CTNND2: variants seen among roughly 807,000 people sequenced by gnomAD.
CTNND2 encodes the protein catenin delta-2.
A neutral mutation model predicts 144.4 loss-of-function variants in CTNND2; 22 were observed. That is an observed-to-expected ratio of 0.15 (90% CI 0.11 to 0.22). The LOEUF (loss-of-function observed/expected upper bound fraction) is 0.22. Among genes scored for constraint, CTNND2 ranks in the 10% least tolerant of loss-of-function variants. The probability of loss-of-function intolerance (pLI) is 1.00; values close to 1 mark genes in which losing one functional copy is unlikely to be tolerated. For synonymous variants in CTNND2, 751 were observed against 695.6 expected (o/e 1.08, Z -1.25); for missense variants, 1,353 against 1,618.8 (o/e 0.84, Z 2.82).
intron 2 of CTNND2, among the ~76,000 whole-genome samples, chr5:11,592,064 C>T (rs1779268242): frequency 1.3e-5 from 2 of 149,808 alleles, no homozygotes; most frequent in African/African-American, 4.9e-5. Flanking sequence ...CTCATGTCTT[C>T]AGAACTCAGT....
chr5:11,165,478 T>G (rs1000471060), intron 11 of CTNND2, among the ~76,000 whole-genome samples: 3 of 152,228 alleles, frequency 2.0e-5, no homozygotes, highest in African/African-American at 7.2e-5. Flanking sequence ...ATATTTTGGT[T>G]GATGGTCACT....
chr5:11,182,060 GGGTGTGTGT>G (rs545478107), intron 11 of CTNND2, among the ~76,000 whole-genome samples: 412 of 138,644 alleles, frequency 3.0e-3, no homozygotes, highest in Non-Finnish European at 5.0e-3. Context: ...TGTGTGTGGG[GGGTGTGTGT>G]GGTGTGTGTG....
chr5:11,427,876 A>T (rs1344835130), intron 3 of CTNND2, among the ~76,000 whole-genome samples: 1 of 152,186 alleles, frequency 6.6e-6, no homozygotes, highest in Non-Finnish European at 1.5e-5. Context: ...GCTGATAAAG[A>T]CATACTCAAG....
chr5:11,267,125 C>G (rs772003703), intron 9 of CTNND2, among the ~76,000 whole-genome samples: 4 of 152,226 alleles, frequency 2.6e-5, no homozygotes, highest in Non-Finnish European at 5.9e-5. Flanking sequence ...GTAATCCACC[C>G]ACCTCGGCCT....
intron 10 of CTNND2, among the ~76,000 whole-genome samples, chr5:11,217,325 C>T (rs1241907966): frequency 1.3e-5 from 2 of 152,164 alleles, no homozygotes; most frequent in Admixed American, 1.3e-4. Flanking sequence ...TTTGGTTTTG[C>T]TTTTTGTCCT....
intron 10 of CTNND2, among the ~76,000 whole-genome samples, chr5:11,229,485 T>TG (rs1740739891): frequency 6.6e-6 from 1 of 152,082 alleles, no homozygotes; most frequent in Non-Finnish European, 1.5e-5. Context: ...TGCACACCAC[T>TG]GCACTCCAGC....
At chr5:11,467,383 T>C (rs976606243) in intron 3 of CTNND2, among the ~76,000 whole-genome samples, 7 of 152,214 alleles carry the variant, frequency 4.6e-5, no homozygotes, top group Admixed American at 1.3e-4. Context: ...TCTCCCACAC[T>C]GGGGCAAGGC....
At chr5:11,187,165 A>G (rs1380490569) in intron 11 of CTNND2, among the ~76,000 whole-genome samples, 1 of 152,216 alleles carries the variant, frequency 6.6e-6, no homozygotes, top group Non-Finnish European at 1.5e-5. Flanking sequence ...AAGGGGTATT[A>G]AGCTTGACTT....
rs562775305 is a variant in CTNND2 at position 11,475,612 on chromosome 5, C to T, written c.288-63543G>A. 2.1e-3 allele frequency among the ~76,000 whole-genome samples: 316 copies of T among 152,294 alleles called. 1 individual carries two copies. Among genetic ancestry groups the T allele is most frequent in the African/African-American group, 7.4e-3 (307 of 41,568 alleles). ...AGTGAAGTGAATGGTAAACTTGAGA[C>T]ACAGAAGTCAAGTTGGTTTTATATC... On this transcript the variant is annotated intron_variant, in intron 3 of 21. Transcript: ENST00000304623.
At chr5:11,521,054 A>G (rs1011913522) in intron 3 of CTNND2, among the ~76,000 whole-genome samples, 3 of 152,182 alleles carry the variant, frequency 2.0e-5, no homozygotes, top group Non-Finnish European at 4.4e-5. Flanking sequence ...GTCATAGGAA[A>G]ATAGAGGGGT....
chr5:11,828,291 A>T (rs964825824), intron 1 of CTNND2, among the ~76,000 whole-genome samples: 2 of 152,226 alleles, frequency 1.3e-5, no homozygotes, highest in East Asian at 3.9e-4. Context: ...GCATTTTGGG[A>T]GGCCGAGGTG....
At chr5:11,423,060 A>G (rs1255791355) in intron 3 of CTNND2, among the ~76,000 whole-genome samples, 1 of 152,254 alleles carries the variant, frequency 6.6e-6, no homozygotes, top group Admixed American at 6.5e-5. Context: ...AATGTATCAT[A>G]GTATCTTTGC....
intron 14 of CTNND2, among the ~76,000 whole-genome samples, chr5:11,100,778 C>A (rs1214567453): frequency 6.6e-6 from 1 of 152,086 alleles, no homozygotes; most frequent in Non-Finnish European, 1.5e-5. Flanking sequence ...GATAGATTTT[C>A]CTTTTATGTA....
intron 3 of CTNND2, among the ~76,000 whole-genome samples, chr5:11,516,528 T>A (rs1772178591): frequency 6.6e-6 from 1 of 152,118 alleles, no homozygotes. Context: ...TAAAAATTGT[T>A]TGCATTTCTA....
chr5:11,066,731 G>A (rs56346452), intron 16 of CTNND2, among the ~76,000 whole-genome samples: 26,676 of 152,018 alleles, frequency 0.18, 4,356 homozygotes, highest in East Asian at 0.58. Context: ...GACCAACAGC[G>A]AGACTCAGTG....
chr5:11,892,636 CA>C (rs907925715), intron 1 of CTNND2, among the ~76,000 whole-genome samples: 7 of 150,056 alleles, frequency 4.7e-5, no homozygotes, highest in African/African-American at 1.7e-4. Context: ...GAGAAACTGC[CA>C]AAAAAAAGAC....
intron 1 of CTNND2, among the ~76,000 whole-genome samples, chr5:11,886,975 CTTTTT>C (rs36178842): frequency 1.1e-3 from 90 of 83,582 alleles, no homozygotes; most frequent in Non-Finnish European, 2.0e-3. Context: ...TATCCTACTG[CTTTTT>C]TTTTTTTTTT....
intron 1 of CTNND2, among the ~76,000 whole-genome samples, chr5:11,804,778 C>T (rs1448999298): frequency 2.0e-5 from 3 of 152,158 alleles, no homozygotes; most frequent in African/African-American, 7.2e-5. Flanking sequence ...CATGACACTA[C>T]TCATTTGTCA....
intron 6 of CTNND2, among the ~76,000 whole-genome samples, chr5:11,387,434 GTC>G (rs1173975484): frequency 1.3e-5 from 2 of 152,040 alleles, no homozygotes; most frequent in East Asian, 3.9e-4. Flanking sequence ...GGGCCCCAGA[GTC>G]TGCATTTCTA....
Sources: allele counts gnomAD v4.1 joint callset (sites outside exome capture counted in the v4.1 genomes callset), GRCh38; gene constraint gnomAD v4.1.1; transcripts MANE v1.5; gene names NCBI Gene and HGNC (gene_info 2026-07-23, HGNC 2026-07-21).